The following WDR49 variants were observed in gnomAD, a reference collection of about 807,000 sequenced individuals.
WDR49 encodes the protein WD repeat domain 49.
WDR49 carries 107 observed loss-of-function variants against 119.5 expected under a neutral mutation model. That is an observed-to-expected ratio of 0.90 (90% CI 0.77 to 1.05). The LOEUF (loss-of-function observed/expected upper bound fraction) is 1.05, where lower values mean the gene tolerates loss of function less well. Ranked by LOEUF, WDR49 falls within the 50% of genes least tolerant of loss-of-function variation. The pLI, the probability that WDR49 is intolerant of heterozygous loss-of-function variation, is 0.00. For synonymous variants in WDR49, 425 were observed against 418.8 expected (o/e 1.01, Z -0.18); for missense variants, 1,240 against 1,220.5 (o/e 1.02, Z -0.24).
chr3:167,598,539 T>A (rs2108302763), intron 7 of WDR49, among the ~76,000 whole-genome samples: 1 of 152,234 alleles, frequency 6.6e-6, no homozygotes, highest in South Asian at 2.1e-4. Flanking sequence ...TGTATGGTGG[T>A]TCCCCCACCC....
At chr3:167,569,827 G>A (rs543361424) in intron 8 of WDR49, among the ~76,000 whole-genome samples, 8 of 152,256 alleles carry the variant, frequency 5.3e-5, no homozygotes, top group South Asian at 4.1e-4. Context: ...CGTAAAACTC[G>A]TTGTCTACAG....
At chr3:167,643,545 C>T (rs1717978915) in intron 2 of WDR49, among the ~76,000 whole-genome samples, 1 of 152,042 alleles carries the variant, frequency 6.6e-6, no homozygotes, top group Non-Finnish European at 1.5e-5. Flanking sequence ...ATATAAAAGA[C>T]ATTACTGGGA....
intron 2 of WDR49, among the ~76,000 whole-genome samples, chr3:167,633,828 T>C (rs766815305): frequency 6.6e-6 from 1 of 152,012 alleles, no homozygotes; most frequent in Non-Finnish European, 1.5e-5. Flanking sequence ...TCTCAGGGTT[T>C]GCATGAAGTA....
At chr3:167,598,304 C>CAA (rs112983257) in intron 7 of WDR49, among the ~76,000 whole-genome samples, 1 of 134,136 alleles carries the variant, frequency 7.5e-6, no homozygotes, top group African/African-American at 2.7e-5. Context: ...GACTCCATCT[C>CAA]AAAAAAAAAA....
chr3:167,611,673 A>G (rs1015361471), intron 5 of WDR49, among the ~76,000 whole-genome samples: 1 of 152,214 alleles, frequency 6.6e-6, no homozygotes, highest in Non-Finnish European at 1.5e-5. Flanking sequence ...ACCAAAAAAG[A>G]GTAGGAGTCA....
At chr3:167,600,461 A>C (rs759995682) in intron 7 of WDR49, among the ~76,000 whole-genome samples, 1 of 152,136 alleles carries the variant, frequency 6.6e-6, no homozygotes, top group Non-Finnish European at 1.5e-5. Flanking sequence ...AGGTACTGTG[A>C]GTGCTCACCT....
chr3:167,653,221 G>A (rs1178672552), intron 2 of WDR49, 40 bp downstream of exon 2: 1 of 1,533,682 alleles, frequency 6.5e-7, no homozygotes, highest in South Asian at 1.2e-5. Context: ...GCTCCTTCAT[G>A]AACAACTCAA....
At chr3:167,552,234 T>C (rs1336334683) in intron 10 of WDR49, among the ~76,000 whole-genome samples, 1 of 152,004 alleles carries the variant, frequency 6.6e-6, no homozygotes, top group Non-Finnish European at 1.5e-5. Flanking sequence ...ACATAGACAC[T>C]CTGAAAGGTT....
In WDR49 at chr3:167,620,743, T is replaced by TAC. The variant is rs1279550412; in HGVS notation, c.784-141_784-140insGT. On this transcript the variant is annotated intron_variant, in intron 4 of 18. Transcript: ENST00000682715. ...ATATTATTTAAAGGATGCAGGGTGT[T>TAC]ATACTAAAAAACAGAACAATTATTA... The TAC allele has an allele frequency of 4.9e-6, 4 of 808,330 alleles. No homozygotes were observed. In the East Asian group the frequency reaches 1.2e-4, roughly 24 times the overall value. 50.1% of individuals were successfully genotyped at this position (808,330 alleles called of 1,614,324 possible).
In WDR49 at chr3:167,488,524, T is replaced by C. The variant is rs192282066; in HGVS notation, c.3032-9528A>G. Among the ~76,000 whole-genome samples, 177 of 152,112 alleles carry C rather than the reference T, an allele frequency of 1.2e-3. 1 individual carries two copies. Among genetic ancestry groups the C allele is most frequent in the Non-Finnish European group, 8.8e-5 (6 of 67,984 alleles). ...GTATCTAAAATAAAAGCTGAAATTT[T>C]TAAAAAGTAAAAAATAAAGTAAATA... On this transcript the variant is annotated intron_variant, in intron 18 of 18. Transcript: ENST00000682715.
At chr3:167,650,801 T>C (rs1718340033) in intron 2 of WDR49, among the ~76,000 whole-genome samples, 1 of 152,214 alleles carries the variant, frequency 6.6e-6, no homozygotes. Flanking sequence ...ACTTACTCTC[T>C]GTGGCATGCA....
chr3:167,632,477 C>G (rs1717419134), intron 2 of WDR49, among the ~76,000 whole-genome samples: 1 of 151,938 alleles, frequency 6.6e-6, no homozygotes, highest in Non-Finnish European at 1.5e-5. Flanking sequence ...GTTCTGTTAC[C>G]AATTGTTCAC....
At chr3:167,512,527 A>T (rs2108221350) in intron 16 of WDR49, among the ~76,000 whole-genome samples, 1 of 152,330 alleles carries the variant, frequency 6.6e-6, no homozygotes, top group East Asian at 1.9e-4. Context: ...AAAACACTGA[A>T]AATTCAAAAA....
intron 16 of WDR49, among the ~76,000 whole-genome samples, chr3:167,508,205 A>G (rs529490690): frequency 6.6e-6 from 1 of 152,336 alleles, no homozygotes; most frequent in South Asian, 2.1e-4. Context: ...GCTTATACAT[A>G]GCAGGTACTT....
At chr3:167,642,125 T>G (rs1559929634) in intron 2 of WDR49, among the ~76,000 whole-genome samples, 2 of 151,886 alleles carry the variant, frequency 1.3e-5, no homozygotes, top group African/African-American at 4.8e-5. Context: ...AAATGTTTCA[T>G]ATAGTCAACA....
intron 10 of WDR49, among the ~76,000 whole-genome samples, chr3:167,548,029 T>A (rs1712315503): frequency 6.6e-6 from 1 of 152,022 alleles, no homozygotes; most frequent in African/African-American, 2.4e-5. Context: ...AATGTGATAA[T>A]TTTTTAGAGA....
At chr3:167,491,022 T>A (rs549727685) in intron 18 of WDR49, among the ~76,000 whole-genome samples, 1 of 152,108 alleles carries the variant, frequency 6.6e-6, no homozygotes, top group African/African-American at 2.4e-5. Flanking sequence ...AATTAAAACC[T>A]GACATCCCAG....
intron 10 of WDR49, among the ~76,000 whole-genome samples, chr3:167,551,376 T>C (rs1243497866): frequency 1.3e-5 from 2 of 152,064 alleles, no homozygotes; most frequent in Non-Finnish European, 2.9e-5. Context: ...TCTGAGTTGT[T>C]GTTAAGTTGC....
intron 7 of WDR49, among the ~76,000 whole-genome samples, chr3:167,581,916 A>G (rs1714547629): frequency 6.6e-6 from 1 of 152,048 alleles, no homozygotes; most frequent in African/African-American, 2.4e-5. Flanking sequence ...GACTCACATG[A>G]CTCCATTTAA....
Sources: allele counts gnomAD v4.1 joint callset (sites outside exome capture counted in the v4.1 genomes callset), GRCh38; gene constraint gnomAD v4.1.1; transcripts MANE v1.5; gene names NCBI Gene and HGNC (gene_info 2026-07-23, HGNC 2026-07-21).